The following MTF2 variants were observed in gnomAD, a reference collection of about 807,000 sequenced individuals.
The protein encoded by MTF2 is metal-response element-binding transcription factor 2.
A neutral mutation model predicts 79.5 loss-of-function variants in MTF2; 11 were observed. The observed-to-expected ratio is 0.14, with a 90% confidence interval of 0.09 to 0.23. MTF2 has a LOEUF of 0.23. MTF2 is among the 10% of genes least tolerant of loss of function. The pLI is 1.00. For missense variants in MTF2, 486 were observed against 711.2 expected (o/e 0.68, Z 3.60); for synonymous variants, 208 against 232.8 (o/e 0.89, Z 0.97).
At position 93,115,692 on chromosome 1, in the gene MTF2, G is replaced by A; in HGVS notation, c.632+74G>A. The A allele has an allele frequency of 6.5e-6, 8 of 1,223,926 alleles. 1 individual carries two copies. In the South Asian group the frequency reaches 7.0e-5, roughly 11 times the overall value. 75.8% of individuals were successfully genotyped at this position (1,223,926 alleles called of 1,614,324 possible). On this transcript the variant is annotated intron_variant, in intron 6 of 14. Transcript: ENST00000370298. ...TATCTATTTTTCTTGATTATGGTGT[G>A]TGAGTGATGGTGAATTGCAACTGCA...
chr1:93,126,274 A>G (rs1272239292), intron 9 of MTF2, among the ~76,000 whole-genome samples: 1 of 152,038 alleles, frequency 6.6e-6, no homozygotes, highest in Non-Finnish European at 1.5e-5. Context: ...AGACAGGTGA[A>G]TTTGAGCAGT....
At chr1:93,117,387 C>G (rs1473874573) in intron 6 of MTF2, among the ~76,000 whole-genome samples, 1 of 152,046 alleles carries the variant, frequency 6.6e-6, no homozygotes, top group Non-Finnish European at 1.5e-5. Context: ...AACCCAAAAT[C>G]CATGTGCTAA....
intron 1 of MTF2, among the ~76,000 whole-genome samples, chr1:93,099,952 A>G (rs1202000600): frequency 6.6e-6 from 1 of 152,250 alleles, no homozygotes; most frequent in Non-Finnish European, 1.5e-5. Flanking sequence ...TACACATTGT[A>G]CAATAAGTAA....
intron 1 of MTF2, among the ~76,000 whole-genome samples, chr1:93,086,430 C>T (rs928365229): frequency 1.3e-4 from 17 of 130,250 alleles, no homozygotes; most frequent in African/African-American, 2.3e-4. Flanking sequence ...ACCCAGGAGG[C>T]GGGGGCTGCA....
rs113109741 is a variant in MTF2 at position 93,087,369 on chromosome 1, C to A, written c.5+7838C>A. 1.5e-3 allele frequency among the ~76,000 whole-genome samples: 225 copies of A among 152,228 alleles called. 3 individuals carry two copies. The highest frequency in any genetic ancestry group is 4.6e-3 in the African/African-American group (191 of 41,532). Reference sequence around the variant, plus strand: ...GGTGGATCACCTGAGGTCGGGAGTTCAAAACCAGCGTGACCAACACGGTAA... The same window carrying A: ...GGTGGATCACCTGAGGTCGGGAGTTAAAAACCAGCGTGACCAACACGGTAA... On this transcript the variant is annotated intron_variant, in intron 1 of 14. Transcript: ENST00000370298.
chr1:93,082,027 C>G (rs988028972), intron 1 of MTF2, among the ~76,000 whole-genome samples: 8 of 152,090 alleles, frequency 5.3e-5, no homozygotes, highest in Admixed American at 6.6e-5. Flanking sequence ...CATACCATGT[C>G]TTCTGTCATA....
chr1:93,095,337 T>TTTTTA (rs1336224039), intron 1 of MTF2, among the ~76,000 whole-genome samples: 3 of 152,174 alleles, frequency 2.0e-5, no homozygotes, highest in Non-Finnish European at 2.9e-5. Flanking sequence ...TTCTTCATTC[T>TTTTTA]TTTTATTTTA....
At chr1:93,088,282 C>G (rs560081892) in intron 1 of MTF2, among the ~76,000 whole-genome samples, 106 of 152,218 alleles carry the variant, frequency 7.0e-4, no homozygotes, top group African/African-American at 2.6e-3. Flanking sequence ...ACTTAATTCA[C>G]ATTTATCTGT....
intron 1 of MTF2, among the ~76,000 whole-genome samples, chr1:93,094,929 A>G (rs1246274432): frequency 3.3e-5 from 5 of 152,084 alleles, no homozygotes; most frequent in African/African-American, 1.2e-4. Context: ...TGTGCCTTGT[A>G]TTTCCCTTGA....
intron 11 of MTF2, among the ~76,000 whole-genome samples, chr1:93,131,130 G>T (rs1268770017): frequency 1.3e-5 from 2 of 152,050 alleles, no homozygotes; most frequent in African/African-American, 4.8e-5. Context: ...GAGAAGAGAG[G>T]GTGGTCTGGG....
chr1:93,092,491 C>T (rs747892284), intron 1 of MTF2, among the ~76,000 whole-genome samples: 1 of 152,088 alleles, frequency 6.6e-6, no homozygotes, highest in South Asian at 2.1e-4. Flanking sequence ...CTGTTCCCTC[C>T]GCCCCTTCCC....
intron 1 of MTF2, among the ~76,000 whole-genome samples, chr1:93,083,416 AAAT>A (rs1654696228): frequency 6.6e-6 from 1 of 152,332 alleles, no homozygotes; most frequent in African/African-American, 2.4e-5. Context: ...TTTTAGGGTC[AAAT>A]AATATTTCAT....
At chr1:93,111,047 G>A (rs2101058135) in intron 3 of MTF2, among the ~76,000 whole-genome samples, 1 of 152,212 alleles carries the variant, frequency 6.6e-6, no homozygotes, top group East Asian at 1.9e-4. Flanking sequence ...AATAAGAATG[G>A]TTTAAAATTA....
chr1:93,085,244 C>T (rs1221420088), intron 1 of MTF2, among the ~76,000 whole-genome samples: 1 of 137,804 alleles, frequency 7.3e-6, no homozygotes, highest in African/African-American at 2.7e-5. Flanking sequence ...GGCACCATCT[C>T]GGCTCAGTGC....
chr1:93,082,273 CT>C (rs11380988), intron 1 of MTF2, among the ~76,000 whole-genome samples: 163 of 139,228 alleles, frequency 1.2e-3, no homozygotes, highest in Middle Eastern at 3.6e-3. Flanking sequence ...TGTAACCATT[CT>C]TTTTTTTTTT....
At chr1:93,084,761 C>A (rs747552348) in intron 1 of MTF2, among the ~76,000 whole-genome samples, 1 of 152,098 alleles carries the variant, frequency 6.6e-6, no homozygotes, top group Non-Finnish European at 1.5e-5. Flanking sequence ...GAGGCTGAGG[C>A]AGGAGGATTG....
intron 1 of MTF2, among the ~76,000 whole-genome samples, chr1:93,107,374 G>A (rs1029531205): frequency 2.6e-5 from 4 of 152,062 alleles, no homozygotes; most frequent in Admixed American, 1.3e-4. Flanking sequence ...ACAGGCACGC[G>A]CCACCATGCC....
chr1:93,098,366 G>GT (rs973260669), intron 1 of MTF2, among the ~76,000 whole-genome samples: 1 of 152,088 alleles, frequency 6.6e-6, no homozygotes, highest in African/African-American at 2.4e-5. Context: ...ACTGCATATA[G>GT]TTTTTTTGGT....
chr1:93,136,696 G>T lies in MTF2; in HGVS notation c.1451G>T (p.Arg484Leu). The T allele has an allele frequency of 1.9e-6, 3 of 1,613,812 alleles. No homozygotes were observed. Among genetic ancestry groups the T allele is most frequent in the Non-Finnish European group, 2.5e-6 (3 of 1,179,926 alleles). ...TTATCTGACTCCAGAAAAAGAACGC[G>T]TACAGGAAGATCTTGGCCTGCTGCA... ...YGLSDSRKRT[R>L]TGRSWPAAIP... Residue 484 changes from arginine to leucine, a missense_variant, in exon 15 of 15, where the codon CGT (arginine) becomes CTT (leucine). Arg to Leu is a moderately radical substitution (Grantham distance 102). Around this residue, in one of 4 missense-constraint regions of MTF2, gnomAD observed 209 missense variants for 206.5 expected, o/e 1.01. Coordinates refer to ENST00000370298, the MANE Select transcript of MTF2 (RefSeq NM_007358.4).
Sources: allele counts gnomAD v4.1 joint callset (sites outside exome capture counted in the v4.1 genomes callset), GRCh38; gene constraint gnomAD v4.1.1; regional missense constraint gnomAD v4.1.1; transcripts MANE v1.5; gene names NCBI Gene and HGNC (gene_info 2026-07-23, HGNC 2026-07-21).